Variants in GAREM1 observed in about 807,000 individuals in gnomAD.
The protein encoded by GAREM1 is GRB2-associated and regulator of MAPK protein 1.
In GAREM1, 26 loss-of-function variants were observed where a neutral mutation model predicts 71.3. The ratio of observed to expected loss-of-function variants is 0.36; its 90% CI spans 0.27 to 0.51. The LOEUF is 0.51. GAREM1 is among the 20% of genes least tolerant of loss of function. The pLI, the probability that GAREM1 is intolerant of heterozygous loss-of-function variation, is 0.95. For synonymous variants in GAREM1, 440 were observed against 433.2 expected (o/e 1.02, Z -0.20); for missense variants, 1,026 against 1,103.1 (o/e 0.93, Z 0.99).
At chr18:32,312,347 G>C (rs2047332897) in intron 2 of GAREM1, among the ~76,000 whole-genome samples, 1 of 152,112 alleles carries the variant, frequency 6.6e-6, no homozygotes, top group Non-Finnish European at 1.5e-5. Flanking sequence ...AAACCAAGAG[G>C]GATGCATCCA....
chr18:32,270,301 G>A lies in GAREM1; in HGVS notation c.1649C>T (p.Pro550Leu). Residue 550 changes from proline to leucine, a missense_variant, in exon 5 of 6, where the codon CCT (proline) becomes CTT (leucine). Coordinates refer to ENST00000269209, the MANE Select transcript of GAREM1 (RefSeq NM_001242409.2). Reference protein sequence around the residue: ...AKPLSTSPSIPPRTVKPARQQ... With the variant: ...AKPLSTSPSILPRTVKPARQQ... ...CCGCGCTGGCTTGACTGTGCGAGGA[G>A]GGATGGAGGGACTGGTGGACAAAGG... 6.2e-7 allele frequency: 1 copy of A among 1,614,052 alleles called. No homozygotes were observed. Among genetic ancestry groups the A allele is most frequent in the Admixed American group, 1.7e-5 (1 of 60,008 alleles).
chr18:32,421,275 C>T (rs2048517263), intron 1 of GAREM1, among the ~76,000 whole-genome samples: 1 of 152,146 alleles, frequency 6.6e-6, no homozygotes, highest in Non-Finnish European at 1.5e-5. Flanking sequence ...ACTTGGTACA[C>T]AGTAAGCACT....
intron 1 of GAREM1, among the ~76,000 whole-genome samples, chr18:32,425,043 A>G (rs2048561324): frequency 1.3e-5 from 2 of 152,172 alleles, no homozygotes; most frequent in Admixed American, 1.3e-4. Context: ...GATTGAGTAA[A>G]GGGTCAACCA....
chr18:32,281,591 A>C (rs186971221), intron 4 of GAREM1, among the ~76,000 whole-genome samples: 74 of 152,338 alleles, frequency 4.9e-4, no homozygotes, highest in Non-Finnish European at 4.4e-5. Context: ...AGTGGTTCAC[A>C]AAAGAGCTCC....
Position 32,270,422 on chromosome 18 carries a change from G to C in GAREM1, c.1567-39C>G, listed in dbSNP as rs757284061. ...GAACACTCCAGGTTAGCAACAGACT[G>C]ACAATGCCACGGGGCGCCAGCTCAA... On this transcript the variant is annotated intron_variant, in intron 4 of 5. Transcript: ENST00000269209. 5.1e-6 allele frequency: 8 copies of C among 1,561,598 alleles called. No homozygotes were observed. In the Admixed American group the frequency reaches 1.5e-4, roughly 30 times the overall value.
At chr18:32,436,364 GT>G (rs1436985400) in intron 1 of GAREM1, among the ~76,000 whole-genome samples, 1 of 151,988 alleles carries the variant, frequency 6.6e-6, no homozygotes, top group East Asian at 1.9e-4. Context: ...TAGTTTACCA[GT>G]TGTGTGTGTG....
At chr18:32,397,137 G>A (rs1412924747) in intron 1 of GAREM1, among the ~76,000 whole-genome samples, 1 of 152,128 alleles carries the variant, frequency 6.6e-6, no homozygotes, top group Non-Finnish European at 1.5e-5. Flanking sequence ...TGCCCTACAA[G>A]AGCTCCTGAA....
intron 1 of GAREM1, among the ~76,000 whole-genome samples, chr18:32,397,094 G>A (rs912594707): frequency 1.3e-5 from 2 of 152,130 alleles, no homozygotes; most frequent in East Asian, 3.9e-4. Flanking sequence ...TTACAGACAA[G>A]CAAATGCTGA....
chr18:32,465,828 A>C (rs867613634), intron 1 of GAREM1, among the ~76,000 whole-genome samples: 1 of 152,188 alleles, frequency 6.6e-6, no homozygotes, highest in African/African-American at 2.4e-5. Flanking sequence ...TTGGACATCC[A>C]TCCTGTGATG....
intron 2 of GAREM1, among the ~76,000 whole-genome samples, chr18:32,389,487 C>T (rs2048176199): frequency 6.6e-6 from 1 of 151,960 alleles, no homozygotes; most frequent in South Asian, 2.1e-4. Flanking sequence ...TAGTAGCTTG[C>T]CCAAAGTAAT....
intron 3 of GAREM1, among the ~76,000 whole-genome samples, chr18:32,293,410 G>A (rs185161617): frequency 1.3e-5 from 2 of 152,084 alleles, no homozygotes; most frequent in African/African-American, 4.8e-5. Context: ...CTAAAATCTG[G>A]GACAATTTGA....
intron 4 of GAREM1, among the ~76,000 whole-genome samples, chr18:32,274,025 G>A (rs745552045): frequency 4.9e-4 from 74 of 152,268 alleles, no homozygotes; most frequent in African/African-American, 1.7e-3. Context: ...CTTGCACTAC[G>A]CCAGGCAGGT....
intron 2 of GAREM1, among the ~76,000 whole-genome samples, chr18:32,372,835 G>A (rs147278465): frequency 4.6e-5 from 7 of 152,314 alleles, no homozygotes; most frequent in Admixed American, 6.5e-5. Context: ...AAATACTTCC[G>A]GAAAACAGAA....
intron 2 of GAREM1, among the ~76,000 whole-genome samples, chr18:32,311,184 T>C (rs2047318168): frequency 6.6e-6 from 1 of 152,222 alleles, no homozygotes; most frequent in African/African-American, 2.4e-5. Flanking sequence ...TGTTTTCAGT[T>C]TGGAATAAAA....
At position 32,380,906 on chromosome 18, in the gene GAREM1, C is replaced by T. The variant is rs1417685340; in HGVS notation, c.262+11989G>A. On this transcript the variant is annotated intron_variant, in intron 2 of 5. Transcript: ENST00000269209. ...GATGTTTTGATCCTAACAAGTCAACCTACCAAACACATATTCTCCCACACA... is the reference window on the plus strand; with the variant it reads ...GATGTTTTGATCCTAACAAGTCAACTTACCAAACACATATTCTCCCACACA... Among the ~76,000 whole-genome samples the T allele has an allele frequency of 2.6e-5, 4 of 151,980 alleles. No homozygotes were observed. The East Asian group carries it at 7.7e-4, about 29-fold the overall frequency.
At chr18:32,454,718 C>CT (rs2048871267) in intron 1 of GAREM1, among the ~76,000 whole-genome samples, 1 of 152,200 alleles carries the variant, frequency 6.6e-6, no homozygotes, top group African/African-American at 2.4e-5. Context: ...GAAGAGGCTG[C>CT]TGGAATCATC....
At chr18:32,280,329 T>C (rs2041596583) in intron 4 of GAREM1, among the ~76,000 whole-genome samples, 1 of 152,222 alleles carries the variant, frequency 6.6e-6, no homozygotes, top group South Asian at 2.1e-4. Context: ...GTGAGGCCCC[T>C]AATTCTGTAG....
chr18:32,421,167 C>G (rs2048516284), intron 1 of GAREM1, among the ~76,000 whole-genome samples: 1 of 152,182 alleles, frequency 6.6e-6, no homozygotes, highest in Non-Finnish European at 1.5e-5. Flanking sequence ...CCACTTCCCT[C>G]ATCAGTAAAA....
In GAREM1 at chr18:32,373,770, C is replaced by A. The variant is rs144575673; in HGVS notation, c.262+19125G>T. On this transcript the variant is annotated intron_variant, in intron 2 of 5. Coordinates refer to ENST00000269209, the MANE Select transcript of GAREM1 (RefSeq NM_001242409.2). ...GAACCTGGTAATTTTCCATCACCTGCTTTAGAGTGGACCAGATCTACTGCC... is the reference window on the plus strand; with the variant it reads ...GAACCTGGTAATTTTCCATCACCTGATTTAGAGTGGACCAGATCTACTGCC... 2.0e-3 allele frequency among the ~76,000 whole-genome samples: 303 copies of A among 152,268 alleles called. 3 individuals carry two copies. The South Asian group carries it at 0.022, about 11-fold the overall frequency.
Sources: gnomAD v4.1 joint callset for allele counts (sites outside exome capture counted in the v4.1 genomes callset) on GRCh38, gnomAD v4.1.1 for gene constraint, MANE v1.5 for transcripts, NCBI Gene and HGNC (gene_info 2026-07-23, HGNC 2026-07-21) for gene names.